Variants in MAPKAPK5 observed in about 807,000 individuals in gnomAD.
MAPKAPK5 encodes the protein MAPK activated protein kinase 5.
A neutral mutation model predicts 65.1 loss-of-function variants in MAPKAPK5; 30 were observed. The observed-to-expected ratio is 0.46, with a 90% CI of 0.34 to 0.63. The LOEUF (loss-of-function observed/expected upper bound fraction) is 0.63, where lower values mean the gene tolerates loss of function less well. Ranked by LOEUF, MAPKAPK5 falls within the 20% of genes least tolerant of loss-of-function variation. The pLI is 0.01. For synonymous variants in MAPKAPK5, 179 were observed against 204.6 expected (o/e 0.87, Z 1.07); for missense variants, 433 against 581.4 (o/e 0.74, Z 2.63).
intron 7 of MAPKAPK5, 40 bp from the exon 8 acceptor site, chr12:111,880,407 A>C: frequency 6.5e-7 from 1 of 1,536,392 alleles, no homozygotes; most frequent in Non-Finnish European, 9.0e-7. Context: ...CGGTGGTGTG[A>C]TTTTCATTAA....
At chr12:111,848,181 C>G (rs912534056) in intron 1 of MAPKAPK5, among the ~76,000 whole-genome samples, 3 of 152,164 alleles carry the variant, frequency 2.0e-5, no homozygotes, top group Non-Finnish European at 2.9e-5. Flanking sequence ...AGTGGTTGTA[C>G]CATTATACAT....
In MAPKAPK5 at chr12:111,894,480, G is replaced by A. The variant is rs984683860; in HGVS notation, c.*1419G>A. ...GTCCTGTTTTTGGAATAACTTGTCC[G>A]AGAAATTTACATATAATTAATTGAA... On this transcript the variant is annotated 3_prime_UTR_variant, in exon 14 of 14. Transcript: ENST00000550735. 4.6e-5 allele frequency: 7 copies of A among 151,894 alleles called. No homozygotes were observed. The highest frequency in any genetic ancestry group is 1.9e-4 in the East Asian group (1 of 5,174). The allele number at this position is 151,894 out of a possible 1,614,324, so 9.4% of individuals were successfully genotyped here.
At chr12:111,888,687 A>C in intron 11 of MAPKAPK5, 69 bp downstream of exon 11, 1 of 1,587,508 alleles carries the variant, frequency 6.3e-7, no homozygotes, top group Non-Finnish European at 8.6e-7. Flanking sequence ...CTGAAATTTA[A>C]GAAATTTAAC....
intron 1 of MAPKAPK5, among the ~76,000 whole-genome samples, chr12:111,852,323 C>T: frequency 6.6e-6 from 1 of 152,302 alleles, no homozygotes; most frequent in African/African-American, 2.4e-5. Flanking sequence ...CTCTGCTGCC[C>T]CAAGACAGCA....
intron 1 of MAPKAPK5, among the ~76,000 whole-genome samples, chr12:111,849,007 G>A (rs562673063): frequency 5.9e-5 from 9 of 151,928 alleles, no homozygotes; most frequent in Admixed American, 1.3e-4. Flanking sequence ...CAAGTGATCC[G>A]CCTGCCTTGG....
intron 7 of MAPKAPK5, among the ~76,000 whole-genome samples, chr12:111,875,996 A>AT (rs1204142761): frequency 6.6e-6 from 1 of 152,008 alleles, no homozygotes; most frequent in Non-Finnish European, 1.5e-5. Context: ...ACTTGAGGTC[A>AT]GGGGTTCAAG....
chr12:111,860,611 G>A (rs2136094603), intron 1 of MAPKAPK5, among the ~76,000 whole-genome samples: 1 of 152,250 alleles, frequency 6.6e-6, no homozygotes, highest in Non-Finnish European at 1.5e-5. Flanking sequence ...GGGAAAACTA[G>A]CATTGTCACC....
chr12:111,885,103 A>G (rs1170748905), intron 9 of MAPKAPK5, among the ~76,000 whole-genome samples: 1 of 152,208 alleles, frequency 6.6e-6, no homozygotes, highest in Non-Finnish European at 1.5e-5. Flanking sequence ...CCCTAGAGCA[A>G]CACTGATTAT....
rs2136189109 is a variant in MAPKAPK5, at chr12:111,902,002, CTT to C, written c.*8945_*8946del. 6.6e-6 allele frequency: 1 copy of C among 152,580 alleles called. No homozygotes were observed. The highest frequency in any genetic ancestry group is 1.9e-4 in the East Asian group (1 of 5,188). 9.5% of individuals were successfully genotyped at this position (152,580 alleles called of 1,614,324 possible). A position where few individuals can be genotyped will look rare whatever the true frequency, so the allele number is the denominator to read the frequency against. On this transcript the variant is annotated 3_prime_UTR_variant, in exon 14 of 14. Coordinates refer to ENST00000550735, the MANE Select transcript of MAPKAPK5 (RefSeq NM_003668.4). ...GCCCAATTGTTTTAGTCACCAGAAACTTTTTCAGGACATGCTATCTTCTATTT... is the reference window on the plus strand; with the variant it reads ...GCCCAATTGTTTTAGTCACCAGAAACTTTCAGGACATGCTATCTTCTATTT...
rs551305519 is a variant in MAPKAPK5 at position 111,898,628 on chromosome 12, T to C, written c.*5567T>C. 1.3e-5 allele frequency: 2 copies of C among 152,296 alleles called. No homozygotes were observed. The highest frequency in any genetic ancestry group is 6.5e-5 in the Admixed American group (1 of 15,292). The allele number at this position is 152,296 out of a possible 1,614,324, so 9.4% of individuals were successfully genotyped here. ...GAAGATTATATGCAGATATAAAATA[T>C]CTAAACTCATTTGTTATGAACCAAC... On this transcript the variant is annotated 3_prime_UTR_variant, in exon 14 of 14. Transcript: ENST00000550735.
rs973990544 is a variant in MAPKAPK5, at chr12:111,896,205, T to G, written c.*3144T>G. ...AGGATGATTATTTTTTCCTTCAGTGTATGCTGAATTTTAGGTGCGATGGAA... is the reference window on the plus strand; with the variant it reads ...AGGATGATTATTTTTTCCTTCAGTGGATGCTGAATTTTAGGTGCGATGGAA... On this transcript the variant is annotated 3_prime_UTR_variant, in exon 14 of 14. Coordinates refer to ENST00000550735, the MANE Select transcript of MAPKAPK5 (RefSeq NM_003668.4). 4.6e-5 allele frequency: 7 copies of G among 152,344 alleles called. No homozygotes were observed. The highest frequency in any genetic ancestry group is 1.7e-4 in the African/African-American group (7 of 41,580). 9.4% of individuals were successfully genotyped at this position (152,344 alleles called of 1,614,324 possible). A position where few individuals can be genotyped will look rare whatever the true frequency, so the allele number is the denominator to read the frequency against.
intron 3 of MAPKAPK5, among the ~76,000 whole-genome samples, chr12:111,866,801 C>T (rs781318274): frequency 6.6e-6 from 1 of 152,212 alleles, no homozygotes; most frequent in Non-Finnish European, 1.5e-5. Context: ...AGGGTTTCTC[C>T]ATGTTGATCA....
chr12:111,873,437 G>A (rs2069851522), intron 7 of MAPKAPK5, among the ~76,000 whole-genome samples: 2 of 152,022 alleles, frequency 1.3e-5, no homozygotes, highest in Non-Finnish European at 1.5e-5. Flanking sequence ...TCTGCCTCCC[G>A]GGTTCAAGGA....
In MAPKAPK5 at chr12:111,883,910, G is replaced by C; in HGVS notation, c.848+142G>C. The C allele has an allele frequency of 1.2e-6, 1 of 833,060 alleles. No individual in the cohort carries two copies. Among genetic ancestry groups the C allele is most frequent in the Non-Finnish European group, 1.8e-6 (1 of 546,570 alleles). 51.6% of individuals were successfully genotyped at this position (833,060 alleles called of 1,614,324 possible). ...TATCACAGAAATCTCTCTGGAGCCT[G>C]AGGTGACTGTTCTCAGTGTCCACAC... On this transcript the variant is annotated intron_variant, in intron 9 of 13. Coordinates refer to ENST00000550735, the MANE Select transcript of MAPKAPK5 (RefSeq NM_003668.4). The surrounding 1 kb of genome is among the most constrained non-coding windows in gnomAD (Gnocchi z 4.8).
At chr12:111,876,452 A>C (rs964849479) in intron 7 of MAPKAPK5, among the ~76,000 whole-genome samples, 1 of 151,838 alleles carries the variant, frequency 6.6e-6, no homozygotes. Context: ...GTACCCCTGA[A>C]CCCAAAATAA....
chr12:111,895,395 C>G lies in MAPKAPK5; in HGVS notation c.*2334C>G, dbSNP rs566029268. Reference sequence around the variant, plus strand: ...GGATTACAGGTGTGAGCCACTGCACCCAGCCTACATTGGTTCCTTTTTATC... The same window carrying G: ...GGATTACAGGTGTGAGCCACTGCACGCAGCCTACATTGGTTCCTTTTTATC... On this transcript the variant is annotated 3_prime_UTR_variant, in exon 14 of 14. Transcript: ENST00000550735. 1 of 151,050 alleles carries G rather than the reference C, an allele frequency of 6.6e-6. No homozygotes were observed. Among genetic ancestry groups the G allele is most frequent in the East Asian group, 2.0e-4 (1 of 4,978 alleles). 9.4% of individuals were successfully genotyped at this position (151,050 alleles called of 1,614,324 possible). A position where few individuals can be genotyped will look rare whatever the true frequency, so the allele number is the denominator to read the frequency against.
intron 1 of MAPKAPK5, among the ~76,000 whole-genome samples, chr12:111,846,947 A>T (rs940248679): frequency 1.3e-5 from 2 of 152,154 alleles, no homozygotes; most frequent in African/African-American, 4.8e-5. Flanking sequence ...CAGAACAAAC[A>T]GTATGTATAG....
At chr12:111,851,880 T>C (rs2069095694) in intron 1 of MAPKAPK5, among the ~76,000 whole-genome samples, 1 of 152,114 alleles carries the variant, frequency 6.6e-6, no homozygotes, top group East Asian at 1.9e-4. Flanking sequence ...ATTGTGGATA[T>C]GGCAAAAAAG....
At chr12:111,858,453 C>T (rs931155372) in intron 1 of MAPKAPK5, among the ~76,000 whole-genome samples, 2 of 151,112 alleles carry the variant, frequency 1.3e-5, no homozygotes, top group Non-Finnish European at 2.9e-5. Flanking sequence ...AATCTTTTTT[C>T]TGTCTATTCT....
Sources: allele counts gnomAD v4.1 joint callset (sites outside exome capture counted in the v4.1 genomes callset), GRCh38; gene constraint gnomAD v4.1.1; non-coding constraint Gnocchi (gnomAD v3.1); transcripts MANE v1.5; gene names NCBI Gene and HGNC (gene_info 2026-07-23, HGNC 2026-07-21).